Variants in ERBB4 observed in about 807,000 individuals in gnomAD.
The protein encoded by ERBB4 is receptor tyrosine-protein kinase erbB-4.
Under a neutral mutation model 158.0 loss-of-function variants are expected in ERBB4, and 42 were observed. The ratio of observed to expected loss-of-function variants is 0.27; its 90% confidence interval spans 0.21 to 0.34. The LOEUF is 0.34. Among genes scored for constraint, ERBB4 ranks in the 10% least tolerant of loss-of-function variants. ERBB4 has a pLI of 1.00. For missense variants in ERBB4, 1,333 were observed against 1,624.1 expected, an observed-to-expected ratio of 0.82 and a Z score of 3.08; for synonymous variants, 583 against 558.7, an observed-to-expected ratio of 1.04 and a Z score of -0.61.
At chr2:211,551,463 A>T (rs1559287423) in intron 20 of ERBB4, among the ~76,000 whole-genome samples, 1 of 152,144 alleles carries the variant, frequency 6.6e-6, no homozygotes, top group Non-Finnish European at 1.5e-5. Context: ...TTTATCTTTT[A>T]TCGTGCCTTT....
intron 2 of ERBB4, among the ~76,000 whole-genome samples, chr2:212,020,480 C>T (rs2076624586): frequency 6.6e-6 from 1 of 151,874 alleles, no homozygotes; most frequent in African/African-American, 2.4e-5. Flanking sequence ...TAAGTTTTTT[C>T]AACATGTATT....
intron 3 of ERBB4, among the ~76,000 whole-genome samples, chr2:211,790,479 G>C (rs1460886833): frequency 6.6e-6 from 1 of 151,932 alleles, no homozygotes; most frequent in African/African-American, 2.4e-5. Context: ...ATATTATACT[G>C]AATAATAGTC....
intron 1 of ERBB4, among the ~76,000 whole-genome samples, chr2:212,451,610 T>C (rs1329466214): frequency 6.6e-6 from 1 of 152,180 alleles, no homozygotes; most frequent in East Asian, 1.9e-4. Context: ...ACACACCTAG[T>C]TTATCTTTAA....
Position 212,268,372 on chromosome 2 carries a change from C to T in ERBB4, c.83-143469G>A, listed in dbSNP as rs1291677071. Among the ~76,000 whole-genome samples, 7 of 151,822 alleles carry T rather than the reference C, an allele frequency of 4.6e-5. No homozygotes were observed. In the Admixed American group the frequency reaches 4.6e-4, roughly 10 times the overall value. On this transcript the variant is annotated intron_variant, in intron 1 of 27. Coordinates refer to ENST00000342788, the MANE Select transcript of ERBB4 (RefSeq NM_005235.3). ...AGTGGGAACAAAATCATATAAAGTT[C>T]CTTGCAGCTCTTTGAAACATTAATT...
chr2:211,733,819 C>T (rs896731710), intron 5 of ERBB4, among the ~76,000 whole-genome samples: 2 of 151,410 alleles, frequency 1.3e-5, no homozygotes. Flanking sequence ...TGGTGGCTCA[C>T]ACCTATACAC....
intron 20 of ERBB4, among the ~76,000 whole-genome samples, chr2:211,502,444 T>C (rs892876710): frequency 2.6e-5 from 4 of 152,182 alleles, no homozygotes; most frequent in African/African-American, 7.2e-5. Flanking sequence ...ATTATAAACA[T>C]TCAATTACCT....
At chr2:212,262,929 G>A (rs1483074979) in intron 1 of ERBB4, among the ~76,000 whole-genome samples, 1 of 152,130 alleles carries the variant, frequency 6.6e-6, no homozygotes, top group Admixed American at 6.6e-5. Flanking sequence ...GCAGTTATTT[G>A]TATTGGGTTG....
intron 1 of ERBB4, among the ~76,000 whole-genome samples, chr2:212,420,681 G>A (rs145110244): frequency 2.6e-5 from 4 of 152,188 alleles, no homozygotes; most frequent in Admixed American, 6.5e-5. Context: ...TCACTATTCT[G>A]AGGTCCTGCT....
chr2:212,208,815 C>A (rs573142630), intron 1 of ERBB4, among the ~76,000 whole-genome samples: 8 of 152,282 alleles, frequency 5.3e-5, no homozygotes, highest in African/African-American at 1.9e-4. Context: ...ACGTATCTAA[C>A]CCCTTATTCC....
At chr2:211,892,926 G>A (rs1234626214) in intron 3 of ERBB4, among the ~76,000 whole-genome samples, 1 of 144,580 alleles carries the variant, frequency 6.9e-6, no homozygotes, top group Non-Finnish European at 1.5e-5. Flanking sequence ...CAAACAAATG[G>A]AAGAACATTC....
At chr2:212,421,245 A>G (rs2091785190) in intron 1 of ERBB4, among the ~76,000 whole-genome samples, 1 of 152,160 alleles carries the variant, frequency 6.6e-6, no homozygotes, top group Non-Finnish European at 1.5e-5. Context: ...TTAATTGGAC[A>G]TTCTACACTT....
intron 14 of ERBB4, among the ~76,000 whole-genome samples, chr2:211,668,112 A>G (rs1050034488): frequency 1.3e-5 from 2 of 152,336 alleles, no homozygotes; most frequent in East Asian, 1.9e-4. Flanking sequence ...TTTAGGCAGT[A>G]GTAATACAAT....
chr2:211,737,600 A>C (rs2074645037), intron 5 of ERBB4, among the ~76,000 whole-genome samples: 1 of 152,208 alleles, frequency 6.6e-6, no homozygotes, highest in Admixed American at 6.5e-5. Flanking sequence ...GCCAGATTAG[A>C]CACATTGCTT....
intron 20 of ERBB4, among the ~76,000 whole-genome samples, chr2:211,456,821 T>A (rs551262686): frequency 5.3e-5 from 8 of 152,246 alleles, no homozygotes; most frequent in Admixed American, 2.0e-4. Context: ...CCTATGAGAA[T>A]CTAATGCTGC....
At chr2:211,410,784 T>C (rs1434412171) in intron 25 of ERBB4, among the ~76,000 whole-genome samples, 1 of 152,240 alleles carries the variant, frequency 6.6e-6, no homozygotes, top group African/African-American at 2.4e-5. Flanking sequence ...GCTGGTACTA[T>C]AGAAGGCTTG....
chr2:211,571,610 C>A (rs1399222993), intron 19 of ERBB4, among the ~76,000 whole-genome samples: 2 of 152,120 alleles, frequency 1.3e-5, no homozygotes, highest in Non-Finnish European at 2.9e-5. Context: ...CATGTTATAA[C>A]ATCTATCTTA....
intron 2 of ERBB4, among the ~76,000 whole-genome samples, chr2:212,000,893 AG>A (rs2076087710): frequency 1.3e-5 from 2 of 152,062 alleles, no homozygotes; most frequent in Non-Finnish European, 2.9e-5. Context: ...CTATGTGTAA[AG>A]AAAAAAAATA....
In ERBB4 at chr2:211,913,067, G is replaced by A. The variant is rs186000485; in HGVS notation, c.421+34363C>T. Among the ~76,000 whole-genome samples, 23 of 152,190 alleles carry A rather than the reference G, an allele frequency of 1.5e-4. No individual in the cohort carries two copies. The South Asian group carries it at 1.7e-3, about 11-fold the overall frequency. The stretch of plus-strand genomic sequence containing the variant: ...TAAGCTTCTGTACCTCATAAGGGGC[G>A]TGGTTGTCATTCTGAAGGCTCCCAT... On this transcript the variant is annotated intron_variant, in intron 3 of 27. Coordinates refer to ENST00000342788, the MANE Select transcript of ERBB4 (RefSeq NM_005235.3).
chr2:212,346,071 TATTA>T (rs2088983768), intron 1 of ERBB4, among the ~76,000 whole-genome samples: 1 of 152,310 alleles, frequency 6.6e-6, no homozygotes, highest in East Asian at 1.9e-4. Flanking sequence ...TTTTTGCTAA[TATTA>T]ATTGTCTAGA....
Sources: allele counts gnomAD v4.1 joint callset (sites outside exome capture counted in the v4.1 genomes callset), GRCh38; gene constraint gnomAD v4.1.1; transcripts MANE v1.5; gene names NCBI Gene and HGNC (gene_info 2026-07-23, HGNC 2026-07-21).